CNTNAP2: variants seen among roughly 807,000 people sequenced by gnomAD.
The protein encoded by CNTNAP2 is contactin-associated protein-like 2.
CNTNAP2 carries 98 observed loss-of-function variants against 155.2 expected under a neutral mutation model. The ratio of observed to expected loss-of-function variants is 0.63; its 90% confidence interval spans 0.54 to 0.75. The LOEUF is 0.75. CNTNAP2 is among the 30% of genes least tolerant of loss of function. The pLI is 0.00. For synonymous variants in CNTNAP2, 651 were observed against 631.2 expected (o/e 1.03, Z -0.47); for missense variants, 1,727 against 1,688.1 (o/e 1.02, Z -0.40).
intron 9 of CNTNAP2, among the ~76,000 whole-genome samples, chr7:147,380,116 A>G (rs1796510997): frequency 6.6e-6 from 1 of 152,118 alleles, no homozygotes; most frequent in Admixed American, 6.6e-5. Context: ...ATGTGACATT[A>G]CAGAATGTTA....
intron 9 of CNTNAP2, among the ~76,000 whole-genome samples, chr7:147,344,019 A>G (rs1795805985): frequency 6.6e-6 from 1 of 152,062 alleles, no homozygotes; most frequent in Non-Finnish European, 1.5e-5. Context: ...TCAAATCAAC[A>G]CTGGTGTTCA....
chr7:148,055,795 G>A (rs371399762), intron 15 of CNTNAP2, among the ~76,000 whole-genome samples: 32 of 152,160 alleles, frequency 2.1e-4, no homozygotes, highest in African/African-American at 3.6e-4. Context: ...AGACTAGTCC[G>A]TGAACATCTT....
chr7:147,233,329 T>G (rs1803726730), intron 8 of CNTNAP2, among the ~76,000 whole-genome samples: 1 of 152,206 alleles, frequency 6.6e-6, no homozygotes, highest in Non-Finnish European at 1.5e-5. Context: ...AGCTGCTGCT[T>G]CTGCCAGCTG....
intron 13 of CNTNAP2, among the ~76,000 whole-genome samples, chr7:147,758,416 C>A (rs769367182): frequency 6.6e-6 from 1 of 152,188 alleles, no homozygotes; most frequent in Non-Finnish European, 1.5e-5. Context: ...CCCCTAAGCT[C>A]TGGTTTAGTT....
At position 146,471,560 on chromosome 7, in the gene CNTNAP2, A is replaced by C. The variant is rs151098637; in HGVS notation, c.98-302711A>C. Among the ~76,000 whole-genome samples the C allele has an allele frequency of 2.8e-4, 42 of 152,316 alleles. No individual in the cohort carries two copies. In the East Asian group the frequency reaches 7.7e-3, roughly 28 times the overall value. ...GAGCACTCCTTTCTGTTCCATTTCC[A>C]TGTGGCCTTGTGCCAGCATAATGAA... On this transcript the variant is annotated intron_variant, in intron 1 of 23. Transcript: ENST00000361727.
chr7:147,891,417 C>G (rs1417314737), intron 13 of CNTNAP2, among the ~76,000 whole-genome samples: 3 of 152,112 alleles, frequency 2.0e-5, no homozygotes, highest in Admixed American at 2.0e-4. Flanking sequence ...ATTGGACAGG[C>G]TGGTCTTGAA....
At chr7:146,960,783 T>C (rs1027694125) in intron 3 of CNTNAP2, among the ~76,000 whole-genome samples, 1 of 152,218 alleles carries the variant, frequency 6.6e-6, no homozygotes, top group African/African-American at 2.4e-5. Context: ...ATATGGTATT[T>C]TTTTTTCCTT....
At chr7:147,644,480 G>A (rs1188982345) in intron 13 of CNTNAP2, among the ~76,000 whole-genome samples, 1 of 152,068 alleles carries the variant, frequency 6.6e-6, no homozygotes, top group Non-Finnish European at 1.5e-5. Context: ...AAATTAGCTG[G>A]GTGTGGTGGC....
intron 8 of CNTNAP2, among the ~76,000 whole-genome samples, chr7:147,186,547 G>C (rs2116512550): frequency 6.6e-6 from 1 of 152,214 alleles, no homozygotes; most frequent in Middle Eastern, 3.4e-3. Context: ...TTCTCCATTT[G>C]GACCCTTTAT....
At position 146,844,556 on chromosome 7, in the gene CNTNAP2, T is replaced by C. The variant is rs62481426; in HGVS notation, c.402+4652T>C. Among the ~76,000 whole-genome samples the C allele has an allele frequency of 2.2e-3, 341 of 152,240 alleles. 1 individual carries two copies. The highest frequency in any genetic ancestry group is 4.0e-3 in the Non-Finnish European group (273 of 67,986). The stretch of plus-strand genomic sequence containing the variant: ...CTGTATAAGCATTTTGTATCAGAAG[T>C]CCATTAAACATTATATTAAATAAGA... On this transcript the variant is annotated intron_variant, in intron 3 of 23. Transcript: ENST00000361727.
intron 1 of CNTNAP2, among the ~76,000 whole-genome samples, chr7:146,136,729 C>A (rs979669987): frequency 6.6e-6 from 1 of 152,026 alleles, no homozygotes; most frequent in African/African-American, 2.4e-5. Flanking sequence ...TCTGTAAACG[C>A]GGAAGCAGGT....
intron 1 of CNTNAP2, among the ~76,000 whole-genome samples, chr7:146,704,697 A>G (rs7796050): frequency 0.061 from 9,280 of 152,226 alleles, 908 homozygotes; most frequent in African/African-American, 0.21. Flanking sequence ...CTAGCCTCAT[A>G]GAAGGGTAAA....
At chr7:148,015,716 G>C (rs984757099) in intron 15 of CNTNAP2, among the ~76,000 whole-genome samples, 63 of 152,198 alleles carry the variant, frequency 4.1e-4, no homozygotes, top group African/African-American at 1.5e-3. Flanking sequence ...TTACGCCAGA[G>C]ACAGATCCTT....
intron 1 of CNTNAP2, among the ~76,000 whole-genome samples, chr7:146,424,733 C>G (rs1341470239): frequency 3.3e-5 from 5 of 152,162 alleles, no homozygotes; most frequent in African/African-American, 1.2e-4. Context: ...CTAAGAATAA[C>G]AGTCTCAAGC....
intron 9 of CNTNAP2, among the ~76,000 whole-genome samples, chr7:147,305,644 C>A (rs1289421140): frequency 6.6e-6 from 1 of 152,098 alleles, no homozygotes; most frequent in Non-Finnish European, 1.5e-5. Flanking sequence ...CACATTTTAT[C>A]AAATGATATA....
Position 146,525,387 on chromosome 7 carries a change from G to C in CNTNAP2, c.98-248884G>C, listed in dbSNP as rs536122006. ...CACAAATGGCATAACTATTAAAAAT[G>C]GGTTTCTAATCATAATTCAACATGA... On this transcript the variant is annotated intron_variant, in intron 1 of 23. Coordinates refer to ENST00000361727, the MANE Select transcript of CNTNAP2 (RefSeq NM_014141.6). Among the ~76,000 whole-genome samples the C allele has an allele frequency of 1.1e-3, 166 of 152,242 alleles. 1 individual carries two copies. The South Asian group carries it at 0.034, about 31-fold the overall frequency.
chr7:146,879,132 C>G (rs1465858201), intron 3 of CNTNAP2, among the ~76,000 whole-genome samples: 1 of 152,146 alleles, frequency 6.6e-6, no homozygotes, highest in Non-Finnish European at 1.5e-5. Flanking sequence ...GAGGCAGTGT[C>G]TGTGCTGCCA....
intron 1 of CNTNAP2, among the ~76,000 whole-genome samples, chr7:146,334,953 A>G (rs1801250311): frequency 6.6e-6 from 1 of 152,158 alleles, no homozygotes. Flanking sequence ...CTCATTGATC[A>G]CATCCCAAAC....
chr7:148,320,631 G>A (rs532196938), intron 21 of CNTNAP2, among the ~76,000 whole-genome samples: 9 of 151,860 alleles, frequency 5.9e-5, no homozygotes, highest in South Asian at 2.1e-4. Flanking sequence ...TGATCCGCCC[G>A]CCTCCGCCTT....
Sources: allele counts gnomAD v4.1 joint callset (sites outside exome capture counted in the v4.1 genomes callset), GRCh38; gene constraint gnomAD v4.1.1; transcripts MANE v1.5; gene names NCBI Gene and HGNC (gene_info 2026-07-23, HGNC 2026-07-21).